ERCC8: variants seen among roughly 807,000 people sequenced by gnomAD.
The protein encoded by ERCC8 is DNA excision repair protein ERCC-8.
In ERCC8, 52 loss-of-function variants were observed where a neutral mutation model predicts 54.9. That is an observed-to-expected ratio of 0.95 (90% CI 0.76 to 1.19). ERCC8 has a LOEUF of 1.19. ERCC8 is among the 50% of genes most tolerant of loss of function. ERCC8 has a pLI of 0.00. For synonymous variants in ERCC8, 146 were observed against 157.2 expected, an observed-to-expected ratio of 0.93 and a Z score of 0.53; for missense variants, 514 against 466.1, an observed-to-expected ratio of 1.10 and a Z score of -0.95.
At chr5:60,908,505 TAAC>T (rs1749145230) in intron 4 of ERCC8, among the ~76,000 whole-genome samples, 1 of 150,822 alleles carries the variant, frequency 6.6e-6, no homozygotes, top group Non-Finnish European at 1.5e-5. Context: ...AATAACAAAA[TAAC>T]AATATAATCC....
At chr5:60,904,634 G>GTGTATATA (rs1406862264) in intron 5 of ERCC8, among the ~76,000 whole-genome samples, 158 bp downstream of exon 5, 18 of 49,888 alleles carry the variant, frequency 3.6e-4, no homozygotes, top group African/African-American at 1.3e-3. Context: ...GTGTGTGTGT[G>GTGTATATA]TATATATATA....
At chr5:60,882,308 A>G (rs1481152460) in intron 11 of ERCC8, among the ~76,000 whole-genome samples, 1 of 152,218 alleles carries the variant, frequency 6.6e-6, no homozygotes, top group Admixed American at 6.5e-5. Flanking sequence ...CTGGAAAACA[A>G]TATATTAATT....
At chr5:60,908,560 AATACATATATATAT>A (rs1749146643) in intron 4 of ERCC8, among the ~76,000 whole-genome samples, 1 of 140,380 alleles carries the variant, frequency 7.1e-6, no homozygotes, top group Admixed American at 7.5e-5. Flanking sequence ...CATTCATATA[AATACATATATATAT>A]ATATATATAT....
chr5:60,919,719 G>A lies in ERCC8; in HGVS notation c.276-1331C>T, dbSNP rs143459063. 16 of 151,990 alleles carry A rather than the reference G, an allele frequency of 1.1e-4. No homozygotes were observed. The East Asian group carries it at 3.1e-3, about 29-fold the overall frequency. 9.4% of individuals were successfully genotyped at this position (151,990 alleles called of 1,614,324 possible). A position where few individuals can be genotyped will look rare whatever the true frequency, so the allele number is the denominator to read the frequency against. On this transcript the variant is annotated intron_variant, in intron 3 of 11. Coordinates refer to ENST00000676185, the MANE Select transcript of ERCC8 (RefSeq NM_000082.4). ...CTGATATAGGATAAATTAAACTAGT[G>A]GAAAAATGAACATGACCTTGAAATG... is the stretch of plus-strand genomic sequence containing the variant.
At chr5:60,927,145 T>TA (rs1749772832) in intron 2 of ERCC8, among the ~76,000 whole-genome samples, 2 of 152,230 alleles carry the variant, frequency 1.3e-5, no homozygotes, top group South Asian at 4.1e-4. Flanking sequence ...TTGCACCTGT[T>TA]AAACTGTAAT....
chr5:60,908,108 T>A (rs984906306), intron 4 of ERCC8, among the ~76,000 whole-genome samples: 21 of 152,192 alleles, frequency 1.4e-4, no homozygotes, highest in Admixed American at 2.6e-4. Flanking sequence ...CCTATTTATC[T>A]TTGTCTTCAT....
In ERCC8 at chr5:60,870,219, A is replaced by G. The variant is rs1010632713; in HGVS notation, c.*4396T>C. Among the ~76,000 whole-genome samples the G allele has an allele frequency of 5.3e-5, 8 of 152,114 alleles. No individual in the cohort carries two copies. Among genetic ancestry groups the G allele is most frequent in the Non-Finnish European group, 1.0e-4 (7 of 68,020 alleles). Reference sequence around the variant, plus strand: ...CCTTGAATATCAAACACAAACTCTCAAAGTATAGGACAGAAACAACAAAAC... The same window carrying G: ...CCTTGAATATCAAACACAAACTCTCGAAGTATAGGACAGAAACAACAAAAC... On this transcript the variant is annotated 3_prime_UTR_variant, in exon 12 of 12. Transcript: ENST00000676185.
At chr5:60,904,744 GGA>G in intron 5 of ERCC8, 46 bp downstream of exon 5, 1 of 1,129,916 alleles carries the variant, frequency 8.9e-7, no homozygotes, top group South Asian at 1.3e-5. Context: ...ATATAAAAAG[GGA>G]GAAAGTTTTC....
chr5:60,905,422 A>G (rs747290927), intron 4 of ERCC8, among the ~76,000 whole-genome samples: 9 of 152,184 alleles, frequency 5.9e-5, no homozygotes, highest in Non-Finnish European at 1.3e-4. Context: ...TTGGATTTCA[A>G]GGTCCAATAC....
chr5:60,941,552 A>G (rs895279518), intron 1 of ERCC8, among the ~76,000 whole-genome samples: 1 of 152,244 alleles, frequency 6.6e-6, no homozygotes, highest in Admixed American at 6.5e-5. Flanking sequence ...ATGGAAAGAT[A>G]TAAGTCTACA....
chr5:60,941,020 T>C (rs1750241999), intron 1 of ERCC8, among the ~76,000 whole-genome samples: 1 of 152,104 alleles, frequency 6.6e-6, no homozygotes, highest in African/African-American at 2.4e-5. Flanking sequence ...GTAAAATGCT[T>C]GAACTTGAGC....
At chr5:60,899,576 A>G in intron 8 of ERCC8, 51 bp downstream of exon 8, 1 of 1,373,106 alleles carries the variant, frequency 7.3e-7, no homozygotes, top group Non-Finnish European at 1.0e-6. Context: ...AAAAATTTTC[A>G]ATGTAAAAAA....
chr5:60,902,434 A>G lies in ERCC8; in HGVS notation c.617+8T>C. Reference sequence around the variant, plus strand: ...ACTAACTTCAAAAGCAAATAAGTTAAATTTTACCTTGCTGTTGCCAAGATA... The same window carrying G: ...ACTAACTTCAAAAGCAAATAAGTTAGATTTTACCTTGCTGTTGCCAAGATA... On this transcript the variant is annotated splice_region_variant and intron_variant, in intron 7 of 11. Coordinates refer to ENST00000676185, the MANE Select transcript of ERCC8 (RefSeq NM_000082.4). 6.2e-7 allele frequency: 1 copy of G among 1,605,908 alleles called. No homozygotes were observed. Among genetic ancestry groups the G allele is most frequent in the East Asian group, 2.2e-5 (1 of 44,714 alleles).
At chr5:60,938,075 ATATATATATATTTTAT>A (rs1280364920) in intron 1 of ERCC8, among the ~76,000 whole-genome samples, 434 of 18,880 alleles carry the variant, frequency 0.023, 4 homozygotes, top group South Asian at 0.1. Context: ...ATATATATAT[ATATATATATATTTTAT>A]TTTTTTTTTT....
At chr5:60,922,808 G>A (rs1251928943) in intron 2 of ERCC8, among the ~76,000 whole-genome samples, 1 of 152,086 alleles carries the variant, frequency 6.6e-6, no homozygotes, top group Non-Finnish European at 1.5e-5. Flanking sequence ...TCTTCGCAGA[G>A]TTTACAATCC....
chr5:60,936,679 C>T (rs1291687348), intron 1 of ERCC8, among the ~76,000 whole-genome samples: 1 of 152,174 alleles, frequency 6.6e-6, no homozygotes, highest in South Asian at 2.1e-4. Flanking sequence ...TTCATCTTAG[C>T]ACCACTTTTG....
rs1747880545 is a variant in ERCC8 at position 60,872,354 on chromosome 5, A to G, written c.*2261T>C. Among the ~76,000 whole-genome samples the G allele has an allele frequency of 6.6e-6, 1 of 152,202 alleles. No homozygotes were observed. Among genetic ancestry groups the G allele is most frequent in the African/African-American group, 2.4e-5 (1 of 41,452 alleles). ...CTGCACAGCAAAGGAAACAATTAATAGGGTGAAGAGACAACCTACAGAATG... is the reference window on the plus strand; with the variant it reads ...CTGCACAGCAAAGGAAACAATTAATGGGGTGAAGAGACAACCTACAGAATG... On this transcript the variant is annotated 3_prime_UTR_variant, in exon 12 of 12. Coordinates refer to ENST00000676185, the MANE Select transcript of ERCC8 (RefSeq NM_000082.4).
At chr5:60,878,135 G>T (rs982982587) in intron 11 of ERCC8, among the ~76,000 whole-genome samples, 1 of 152,146 alleles carries the variant, frequency 6.6e-6, no homozygotes. Context: ...TAATCATTTG[G>T]TTTTTGTCAT....
intron 6 of ERCC8, 193 bp downstream of exon 6, chr5:60,903,455 A>G (rs1748958630): frequency 2.4e-6 from 2 of 850,856 alleles, no homozygotes; most frequent in Non-Finnish European, 1.7e-6. Context: ...ATCATTGTTC[A>G]TATAAATGTG....
Sources: allele counts gnomAD v4.1 joint callset (sites outside exome capture counted in the v4.1 genomes callset), GRCh38; gene constraint gnomAD v4.1.1; transcripts MANE v1.5; gene names NCBI Gene and HGNC (gene_info 2026-07-23, HGNC 2026-07-21).